The following NBEAL1 variants were observed in gnomAD, a reference collection of about 807,000 sequenced individuals.
The protein encoded by NBEAL1 is neurobeachin-like protein 1.
Under a neutral mutation model 351.3 loss-of-function variants are expected in NBEAL1, and 273 were observed. The ratio of observed to expected loss-of-function variants is 0.78; its 90% CI spans 0.70 to 0.86. The LOEUF (loss-of-function observed/expected upper bound fraction) is 0.86. NBEAL1 is among the 40% of genes least tolerant of loss of function. The pLI, the probability that NBEAL1 is intolerant of heterozygous loss-of-function variation, is 0.00. For synonymous variants in NBEAL1, 1,050 were observed against 1,086.4 expected (o/e 0.97, Z 0.66); for missense variants, 2,961 against 3,201.3 (o/e 0.92, Z 1.81).
intron 54 of NBEAL1, among the ~76,000 whole-genome samples, chr2:203,212,405 A>G (rs2065811960): frequency 1.3e-5 from 2 of 151,678 alleles, no homozygotes; most frequent in African/African-American, 4.8e-5. Context: ...TCAGGAGTTC[A>G]AGACCAGCCT....
intron 16 of NBEAL1, 99 bp from the exon 17 acceptor site, chr2:203,112,916 T>C: frequency 8.8e-7 from 1 of 1,136,884 alleles, no homozygotes; most frequent in African/African-American, 1.6e-5. Flanking sequence ...TCAATGTATT[T>C]ATTTGTGTAA....
chr2:203,043,608 A>T (rs1435716784), intron 3 of NBEAL1, among the ~76,000 whole-genome samples: 1 of 151,974 alleles, frequency 6.6e-6, no homozygotes, highest in African/African-American at 2.4e-5. Context: ...GTGCACCTGT[A>T]GTCCCAGTTA....
chr2:203,184,205 C>T (rs2064826468), intron 44 of NBEAL1, among the ~76,000 whole-genome samples: 1 of 151,264 alleles, frequency 6.6e-6, no homozygotes, highest in African/African-American at 2.4e-5. Context: ...CCAAGGCGGG[C>T]AGATCACCTG....
chr2:203,135,678 T>G lies in NBEAL1; in HGVS notation c.3815T>G (p.Val1272Gly), dbSNP rs773247671. 4 of 1,482,020 alleles carry G rather than the reference T, an allele frequency of 2.7e-6. No homozygotes were observed. In the South Asian group the frequency reaches 5.5e-5, roughly 20 times the overall value. 91.8% of individuals were successfully genotyped at this position (1,482,020 alleles called of 1,614,324 possible). A position where few individuals can be genotyped will look rare whatever the true frequency, so the allele number is the denominator to read the frequency against. Residue 1272 changes from valine (V) to glycine (G), a missense_variant and splice_region_variant, in exon 28 of 56, where the codon GTT becomes GGT. Physicochemically the swap from Val to Gly is moderately radical, Grantham distance 109. Transcript: ENST00000683969. ...INVRVAICRK[V>G]LQILQFQPDA... is the part of the protein sequence containing the mutation. ...TTTGTATTCTAAATCTTTTTACAGG[T>G]TTTGCAAATTTTGCAGTTCCAGCCA...
At chr2:203,120,993 G>A (rs893154549) in intron 18 of NBEAL1, among the ~76,000 whole-genome samples, 1 of 152,136 alleles carries the variant, frequency 6.6e-6, no homozygotes, top group African/African-American at 2.4e-5. Flanking sequence ...TTGGAATGGG[G>A]ATTAGATTAG....
intron 24 of NBEAL1, among the ~76,000 whole-genome samples, chr2:203,128,285 TC>T (rs1214518609): frequency 6.8e-4 from 64 of 94,708 alleles, no homozygotes; most frequent in African/African-American, 2.2e-3. Context: ...TTTTTTTTTT[TC>T]CGGTAAAGAC....
chr2:203,187,632 T>A (rs1043602880), intron 44 of NBEAL1, among the ~76,000 whole-genome samples: 10 of 151,606 alleles, frequency 6.6e-5, no homozygotes, highest in Non-Finnish European at 1.3e-4. Flanking sequence ...TCCCAGCTAC[T>A]TGGGAGGCTG....
Position 203,077,849 on chromosome 2 carries a change from G to T in NBEAL1, c.684+12G>T. 1 of 1,376,042 alleles carries T rather than the reference G, an allele frequency of 7.3e-7. No individual in the cohort carries two copies. Among genetic ancestry groups the T allele is most frequent in the South Asian group, 1.9e-5 (1 of 52,528 alleles). The allele number at this position is 1,376,042 out of a possible 1,614,324, so 85.2% of individuals were successfully genotyped here. A position where few individuals can be genotyped will look rare whatever the true frequency, so the allele number is the denominator to read the frequency against. On this transcript the variant is annotated intron_variant, in intron 8 of 55. Transcript: ENST00000683969. The stretch of plus-strand genomic sequence containing the variant: ...TAGCCGGTGGGCAGGTAAGGAAAGT[G>T]TTGAAATTTAATAAATAAAATTATA...
At chr2:203,187,232 A>ATT (rs145671210) in intron 44 of NBEAL1, among the ~76,000 whole-genome samples, 1 of 151,664 alleles carries the variant, frequency 6.6e-6, no homozygotes, top group Non-Finnish European at 1.5e-5. Flanking sequence ...TTCCCAGCTA[A>ATT]TTTTTTGTAG....
intron 18 of NBEAL1, among the ~76,000 whole-genome samples, chr2:203,119,416 G>T (rs2062775121): frequency 1.3e-5 from 1 of 76,520 alleles, no homozygotes; most frequent in Non-Finnish European, 2.8e-5. Context: ...ACTGCATACG[G>T]CCTGTTGCTT....
At chr2:203,197,612 GAT>G (rs2105800077) in intron 48 of NBEAL1, among the ~76,000 whole-genome samples, 1 of 152,124 alleles carries the variant, frequency 6.6e-6, no homozygotes, top group African/African-American at 2.4e-5. Context: ...AATCTGAAAA[GAT>G]ATATAAAAAT....
chr2:203,094,105 T>A (rs955639999), intron 10 of NBEAL1, among the ~76,000 whole-genome samples: 2 of 152,156 alleles, frequency 1.3e-5, no homozygotes, highest in African/African-American at 4.8e-5. Context: ...CACTAATAAT[T>A]GATGGAGGTA....
intron 41 of NBEAL1, among the ~76,000 whole-genome samples, chr2:203,174,187 T>C (rs903831878): frequency 7.4e-6 from 1 of 134,720 alleles, no homozygotes; most frequent in Admixed American, 8.0e-5. Context: ...CACAAAAGGA[T>C]GTTTAATTAT....
rs767682822 is a variant in NBEAL1, at chr2:203,166,136, C to G, written c.5715-13C>G. 1 of 1,532,026 alleles carries G rather than the reference C, an allele frequency of 6.5e-7. No homozygotes were observed. The allele number at this position is 1,532,026 out of a possible 1,614,324, so 94.9% of individuals were successfully genotyped here. ...GTTGAATTTTTCTGTTTATTGGCTT[C>G]TTGTTTTTACAGTGATGAGAAAGAA... On this transcript the variant is annotated splice_polypyrimidine_tract_variant and intron_variant, in intron 36 of 55. Coordinates refer to ENST00000683969, the MANE Select transcript of NBEAL1 (RefSeq NM_001378026.1).
intron 33 of NBEAL1, among the ~76,000 whole-genome samples, chr2:203,148,605 T>A (rs1014494038): frequency 2.0e-5 from 3 of 152,096 alleles, no homozygotes; most frequent in South Asian, 4.1e-4. Context: ...TCTACTTTCT[T>A]TCCTCTTGAG....
chr2:203,151,997 G>A (rs958351607), intron 35 of NBEAL1, among the ~76,000 whole-genome samples: 11 of 150,626 alleles, frequency 7.3e-5, no homozygotes, highest in South Asian at 6.3e-4. Flanking sequence ...TCACTCTGTC[G>A]CCCAGGCTGA....
At chr2:203,074,351 G>T (rs1574933203) in intron 7 of NBEAL1, among the ~76,000 whole-genome samples, 2 of 120,006 alleles carry the variant, frequency 1.7e-5, no homozygotes, top group South Asian at 5.0e-4. Flanking sequence ...TTGACATGGG[G>T]TCTTACTCTG....
intron 6 of NBEAL1, among the ~76,000 whole-genome samples, chr2:203,065,491 G>A (rs1027605235): frequency 5.3e-5 from 8 of 152,200 alleles, no homozygotes; most frequent in African/African-American, 1.7e-4. Context: ...GGTGGCTCAC[G>A]CCTATAATCC....
intron 36 of NBEAL1, among the ~76,000 whole-genome samples, chr2:203,159,272 T>A (rs986395219): frequency 1.1e-4 from 16 of 152,192 alleles, no homozygotes; most frequent in African/African-American, 3.9e-4. Context: ...GGGGTTTTTT[T>A]AATGTTTTCA....
Sources: allele counts gnomAD v4.1 joint callset (sites outside exome capture counted in the v4.1 genomes callset), GRCh38; gene constraint gnomAD v4.1.1; transcripts MANE v1.5; gene names NCBI Gene and HGNC (gene_info 2026-07-23, HGNC 2026-07-21).